The following GMDS variants were observed in gnomAD, a reference collection of about 807,000 sequenced individuals.
GMDS encodes GDP-mannose 4,6 dehydratase.
A neutral mutation model predicts 49.9 loss-of-function variants in GMDS; 20 were observed. The observed-to-expected ratio is 0.40, with a 90% CI of 0.28 to 0.58. The LOEUF is 0.58. Ranked by LOEUF, GMDS falls within the 20% of genes least tolerant of loss-of-function variation. The pLI is 0.42. For missense variants in GMDS, 362 were observed against 481.4 expected, an observed-to-expected ratio of 0.75 and a Z score of 2.32; for synonymous variants, 177 against 178.6, an observed-to-expected ratio of 0.99 and a Z score of 0.07.
intron 9 of GMDS, among the ~76,000 whole-genome samples, chr6:1,677,048 T>A (rs931965478): frequency 2.6e-5 from 4 of 152,136 alleles, no homozygotes; most frequent in African/African-American, 9.7e-5. Flanking sequence ...AGGGCTAATA[T>A]ACAGAATCTA....
chr6:1,920,903 T>C (rs11967418), intron 7 of GMDS, among the ~76,000 whole-genome samples: 2,072 of 152,284 alleles, frequency 0.014, 45 homozygotes, highest in African/African-American at 0.047. Context: ...AGAATTTTCT[T>C]ACACTATTTT....
chr6:2,112,245 A>T (rs912397122), intron 4 of GMDS, among the ~76,000 whole-genome samples: 2 of 152,234 alleles, frequency 1.3e-5, no homozygotes, highest in Non-Finnish European at 1.5e-5. Context: ...TTCGCTTTCC[A>T]TTCTTATAAC....
At chr6:2,043,885 C>T (rs1015768442) in intron 4 of GMDS, among the ~76,000 whole-genome samples, 1 of 151,800 alleles carries the variant, frequency 6.6e-6, no homozygotes, top group African/African-American at 2.4e-5. Context: ...CAACAACAAC[C>T]CCATTAAAAG....
intron 2 of GMDS, among the ~76,000 whole-genome samples, chr6:2,118,495 T>C (rs1464016250): frequency 6.6e-6 from 1 of 152,232 alleles, no homozygotes; most frequent in Non-Finnish European, 1.5e-5. Context: ...CATTTCTATT[T>C]CAAACCAAAA....
At chr6:2,054,720 G>A (rs906348937) in intron 4 of GMDS, among the ~76,000 whole-genome samples, 4 of 151,490 alleles carry the variant, frequency 2.6e-5, no homozygotes, top group Non-Finnish European at 5.9e-5. Flanking sequence ...TGAGTTTGCA[G>A]TTTGAGTCAC....
At chr6:1,645,748 A>G (rs1440146898) in intron 9 of GMDS, among the ~76,000 whole-genome samples, 2 of 152,100 alleles carry the variant, frequency 1.3e-5, no homozygotes, top group Non-Finnish European at 2.9e-5. Context: ...CAGCCTGACA[A>G]CTGCAGCCAG....
At chr6:1,907,850 T>C (rs950418001) in intron 7 of GMDS, among the ~76,000 whole-genome samples, 2 of 152,244 alleles carry the variant, frequency 1.3e-5, no homozygotes, top group African/African-American at 4.8e-5. Flanking sequence ...CCCTCTTATC[T>C]GTGGGAGATG....
At chr6:2,144,539 T>C (rs1562095223) in intron 1 of GMDS, among the ~76,000 whole-genome samples, 1 of 152,146 alleles carries the variant, frequency 6.6e-6, no homozygotes, top group Non-Finnish European at 1.5e-5. Context: ...CACCTAGCCT[T>C]GAATGATGTA....
chr6:1,968,354 G>T (rs1243313370), intron 4 of GMDS, among the ~76,000 whole-genome samples: 1 of 152,130 alleles, frequency 6.6e-6, no homozygotes, highest in East Asian at 1.9e-4. Flanking sequence ...TATTTAAAAT[G>T]ACCACCAAAA....
At chr6:1,720,068 T>C (rs1197405903) in intron 9 of GMDS, among the ~76,000 whole-genome samples, 1 of 152,204 alleles carries the variant, frequency 6.6e-6, no homozygotes, top group African/African-American at 2.4e-5. Context: ...TAAGGGAAGA[T>C]ACATAGCTAT....
intron 7 of GMDS, among the ~76,000 whole-genome samples, chr6:1,918,693 G>A (rs1295238862): frequency 1.3e-5 from 2 of 152,174 alleles, no homozygotes; most frequent in Non-Finnish European, 2.9e-5. Flanking sequence ...AGGCTGCAGT[G>A]AGCCAAAATC....
chr6:1,959,678 A>G (rs1763831614), intron 6 of GMDS, 189 bp downstream of exon 6: 1 of 393,896 alleles, frequency 2.5e-6, no homozygotes, highest in Admixed American at 4.3e-5. Flanking sequence ...AAAATCCCAC[A>G]AACTCAAAAT....
intron 9 of GMDS, among the ~76,000 whole-genome samples, chr6:1,654,988 G>A (rs1400695476): frequency 6.6e-6 from 1 of 150,888 alleles, no homozygotes; most frequent in Non-Finnish European, 1.5e-5. Flanking sequence ...TTGAACCCGG[G>A]AGGCAGAGGC....
chr6:1,641,621 G>A (rs777778018), intron 9 of GMDS, among the ~76,000 whole-genome samples: 12 of 152,162 alleles, frequency 7.9e-5, no homozygotes, highest in Non-Finnish European at 1.8e-4. Flanking sequence ...GCCCTGAGCA[G>A]CCCAGACAGG....
At chr6:1,799,383 C>A (rs1353709048) in intron 7 of GMDS, among the ~76,000 whole-genome samples, 1 of 152,202 alleles carries the variant, frequency 6.6e-6, no homozygotes, top group Non-Finnish European at 1.5e-5. Flanking sequence ...GCCTTGGCAA[C>A]ACGGTGCCTT....
intron 8 of GMDS, among the ~76,000 whole-genome samples, chr6:1,728,911 A>G (rs1212735152): frequency 6.6e-6 from 1 of 151,586 alleles, no homozygotes; most frequent in East Asian, 1.9e-4. Flanking sequence ...ACCACGCTTT[A>G]AGACTGTAAA....
rs748518094 is a variant in GMDS at position 2,081,303 on chromosome 6, A to T, written c.345+34468T>A. On this transcript the variant is annotated intron_variant, in intron 4 of 10. Transcript: ENST00000380815. ...ACACACAAAGAGTCTGCACACTGCT[A>T]ATGGCTCAGTCCCAGAGGGCTGCTC... is the stretch of plus-strand genomic sequence containing the variant. 1.3e-4 allele frequency among the ~76,000 whole-genome samples: 20 copies of T among 152,196 alleles called. 1 individual carries two copies. Among genetic ancestry groups the T allele is most frequent in the South Asian group, 4.1e-4 (2 of 4,832 alleles).
chr6:1,659,194 T>C (rs1287142630), intron 9 of GMDS, among the ~76,000 whole-genome samples: 1 of 150,736 alleles, frequency 6.6e-6, no homozygotes, highest in Admixed American at 6.6e-5. Flanking sequence ...TGCTGTGGGC[T>C]CTTCGGTGGC....
At chr6:1,705,750 TCCAGAG>T (rs1765713643) in intron 9 of GMDS, among the ~76,000 whole-genome samples, 1 of 152,140 alleles carries the variant, frequency 6.6e-6, no homozygotes, top group South Asian at 2.1e-4. Flanking sequence ...TGGAGGACTT[TCCAGAG>T]GAAGTTCCAG....
Sources: allele counts gnomAD v4.1 joint callset (sites outside exome capture counted in the v4.1 genomes callset), GRCh38; gene constraint gnomAD v4.1.1; transcripts MANE v1.5; gene names NCBI Gene and HGNC (gene_info 2026-07-23, HGNC 2026-07-21).